The following GFRA1 variants were observed in gnomAD, a reference collection of about 807,000 sequenced individuals.
GFRA1 encodes the protein GDNF family receptor alpha 1, also known as GDNF family receptor alpha-1.
A neutral mutation model predicts 51.6 loss-of-function variants in GFRA1; 16 were observed. The ratio of observed to expected loss-of-function variants is 0.31; its 90% confidence interval spans 0.21 to 0.47. GFRA1 has a LOEUF of 0.47. GFRA1 is among the 20% of genes least tolerant of loss of function. The pLI, the probability that GFRA1 is intolerant of heterozygous loss-of-function variation, is 1.00. For synonymous variants in GFRA1, 270 were observed against 241.3 expected (o/e 1.12, Z -1.10); for missense variants, 530 against 594.3 (o/e 0.89, Z 1.13).
Position 116,272,186 on chromosome 10 carries a change from C to G in GFRA1, c.-157G>C. The G allele has an allele frequency of 2.8e-6, 2 of 709,222 alleles. No homozygotes were observed. The highest frequency in any genetic ancestry group is 4.9e-6 in the Non-Finnish European group (2 of 412,218). The allele number at this position is 709,222 out of a possible 1,614,324, so 43.9% of individuals were successfully genotyped here. A position where few individuals can be genotyped will look rare whatever the true frequency, so the allele number is the denominator to read the frequency against. On this transcript the variant is annotated 5_prime_UTR_variant, in exon 2 of 11. Transcript: ENST00000355422. This position sits in a 1 kb window ranked among gnomAD's most constrained non-coding sequence, Gnocchi z 4.4. ...TCCAGTGAAAGAGGAAACTCCGGGT[C>G]TGGCAGCAGCCACCGCCGCCGGCGA...
In GFRA1 at chr10:116,062,181, T is replaced by A; in HGVS notation, c.*2217A>T. The A allele has an allele frequency of 2.5e-6, 1 of 398,536 alleles. No homozygotes were observed. Among genetic ancestry groups the A allele is most frequent in the African/African-American group, 2.1e-5 (1 of 48,756 alleles). The allele number at this position is 398,536 out of a possible 1,614,324, so 24.7% of individuals were successfully genotyped here. The stretch of plus-strand genomic sequence containing the variant: ...AGAGCTGCTGTTACTGCAGAAGTAA[T>A]CAGTAGCTTTCTACAGTGGATCACA... On this transcript the variant is annotated 3_prime_UTR_variant, in exon 11 of 11. Coordinates refer to ENST00000355422, the MANE Select transcript of GFRA1 (RefSeq NM_005264.8).
intron 6 of GFRA1, 25 bp from the exon 7 acceptor site, chr10:116,096,789 G>A (rs1240207382): frequency 3.1e-6 from 4 of 1,282,448 alleles, no homozygotes; most frequent in Non-Finnish European, 4.5e-6. Context: ...AAGGGGTGGG[G>A]GGTGGAAATG....
At chr10:116,217,926 G>T (rs1467630884) in intron 4 of GFRA1, among the ~76,000 whole-genome samples, 2 of 152,106 alleles carry the variant, frequency 1.3e-5, no homozygotes, top group Non-Finnish European at 2.9e-5. Flanking sequence ...AAAAACCTCT[G>T]CGACTTGCAT....
At chr10:116,128,609 C>T (rs964586730) in intron 5 of GFRA1, among the ~76,000 whole-genome samples, 1 of 151,618 alleles carries the variant, frequency 6.6e-6, no homozygotes, top group African/African-American at 2.4e-5. Flanking sequence ...GCCTGTAGTC[C>T]CAGCTACTCG....
At chr10:116,075,162 C>T (rs960088013) in intron 9 of GFRA1, among the ~76,000 whole-genome samples, 1 of 152,014 alleles carries the variant, frequency 6.6e-6, no homozygotes, top group Non-Finnish European at 1.5e-5. Context: ...CTGAGGAGGA[C>T]CTTATCTTCC....
intron 5 of GFRA1, among the ~76,000 whole-genome samples, chr10:116,174,194 T>C (rs972882802): frequency 1.6e-4 from 25 of 152,194 alleles, no homozygotes; most frequent in African/African-American, 5.5e-4. Context: ...CTACAAAAAG[T>C]GATTGTGTCC....
intron 4 of GFRA1, among the ~76,000 whole-genome samples, chr10:116,227,571 C>G (rs1294874582): frequency 6.6e-6 from 1 of 152,194 alleles, no homozygotes; most frequent in African/African-American, 2.4e-5. Context: ...CAACTAGCAT[C>G]CTGCCTTCTC....
intron 5 of GFRA1, among the ~76,000 whole-genome samples, chr10:116,170,528 G>A (rs1471472902): frequency 1.3e-5 from 2 of 152,134 alleles, no homozygotes; most frequent in Non-Finnish European, 2.9e-5. Flanking sequence ...CTAAGTAATG[G>A]AGCAGAAGTC....
At chr10:116,069,958 T>C (rs1308166480) in intron 9 of GFRA1, among the ~76,000 whole-genome samples, 1 of 152,120 alleles carries the variant, frequency 6.6e-6, no homozygotes, top group Non-Finnish European at 1.5e-5. Context: ...GGACTCCATT[T>C]CTGTAGAGAA....
At chr10:116,211,449 G>A (rs1312439076) in intron 5 of GFRA1, among the ~76,000 whole-genome samples, 182 bp downstream of exon 5, 1 of 152,204 alleles carries the variant, frequency 6.6e-6, no homozygotes, top group African/African-American at 2.4e-5. Flanking sequence ...AGCAGAGGTT[G>A]GACAGCAGAG....
intron 9 of GFRA1, among the ~76,000 whole-genome samples, chr10:116,088,853 G>A (rs991739626): frequency 4.4e-4 from 66 of 149,908 alleles, no homozygotes; most frequent in African/African-American, 2.5e-4. Flanking sequence ...CCCGGGAGGC[G>A]GAGCTTGCAG....
intron 9 of GFRA1, among the ~76,000 whole-genome samples, chr10:116,072,200 T>C (rs1446456586): frequency 1.3e-5 from 2 of 152,044 alleles, no homozygotes; most frequent in Non-Finnish European, 2.9e-5. Flanking sequence ...TAAGCAAAAA[T>C]ACCAACTACA....
intron 5 of GFRA1, among the ~76,000 whole-genome samples, chr10:116,180,201 T>C (rs1962073172): frequency 6.6e-6 from 1 of 152,190 alleles, no homozygotes; most frequent in South Asian, 2.1e-4. Flanking sequence ...AATAATGGTA[T>C]TTCCAGAGGA....
rs138127311 is a variant in GFRA1 at position 116,082,715 on chromosome 10, G to A, written c.1197+7026C>T. 1.8e-4 allele frequency among the ~76,000 whole-genome samples: 27 copies of A among 152,236 alleles called. No homozygotes were observed. In the East Asian group the frequency reaches 4.3e-3, roughly 24 times the overall value. On this transcript the variant is annotated intron_variant, in intron 9 of 10. Transcript: ENST00000355422. ...GCAGGTCTCAAACTCCTGACTTCAG[G>A]TGATCTGCCGCCTTGGCTTCCCAAA...
intron 4 of GFRA1, among the ~76,000 whole-genome samples, chr10:116,261,353 A>C (rs1969288491): frequency 6.6e-6 from 1 of 152,228 alleles, no homozygotes; most frequent in Non-Finnish European, 1.5e-5. Flanking sequence ...AACGACCTCC[A>C]AACATCCTAC....
chr10:116,080,531 G>A (rs534672751), intron 9 of GFRA1, among the ~76,000 whole-genome samples: 2 of 152,322 alleles, frequency 1.3e-5, no homozygotes, highest in South Asian at 2.1e-4. Context: ...GTTTCACGGT[G>A]CATCTCTAGA....
At position 116,089,852 on chromosome 10, in the gene GFRA1, G is replaced by C. The variant is rs916947319; in HGVS notation, c.1086C>G (p.Thr362=). 2.5e-6 allele frequency: 4 copies of C among 1,613,992 alleles called. No homozygotes were observed. In the South Asian group the frequency reaches 3.3e-5, roughly 13 times the overall value. ...GGGCAGTGGTGGTAGTGGCAGTGGT[G>C]GTCTGTACTGGGAAGGCTGGCTGCC... ...TVWQPAFPVQ[T]TTATTTTALR... is the part of the protein sequence containing the mutation. Residue 362 remains threonine, a synonymous_variant, in exon 9 of 11, where the codon ACC becomes ACG. Transcript: ENST00000355422.
At position 116,109,743 on chromosome 10, in the gene GFRA1, G is replaced by A. The variant is rs140859592; in HGVS notation, c.771-12979C>T. Among the ~76,000 whole-genome samples the A allele has an allele frequency of 4.9e-3, 752 of 152,304 alleles. 5 individuals carry two copies. The highest frequency in any genetic ancestry group is 0.017 in the African/African-American group (714 of 41,568). ...GCTGGAGACAGAGTGACCCAGTAGGGGCTGGCCTGGCCGGGACGACCATCA... is the reference window on the plus strand; with the variant it reads ...GCTGGAGACAGAGTGACCCAGTAGGAGCTGGCCTGGCCGGGACGACCATCA... On this transcript the variant is annotated intron_variant, in intron 6 of 10. Transcript: ENST00000355422.
intron 4 of GFRA1, among the ~76,000 whole-genome samples, chr10:116,254,775 AC>A (rs1247797460): frequency 6.6e-6 from 1 of 152,158 alleles, no homozygotes; most frequent in Non-Finnish European, 1.5e-5. Context: ...CTAAAGAGAA[AC>A]CTTGTCACAG....
Sources: gnomAD v4.1 joint callset for allele counts (sites outside exome capture counted in the v4.1 genomes callset) on GRCh38, gnomAD v4.1.1 for gene constraint, Gnocchi (gnomAD v3.1) non-coding constraint, MANE v1.5 for transcripts, NCBI Gene and HGNC (gene_info 2026-07-23, HGNC 2026-07-21) for gene names.